ERICH6B: variants seen among roughly 807,000 people sequenced by gnomAD.
The protein encoded by ERICH6B is glutamate rich 6B.
Under a neutral mutation model 80.0 loss-of-function variants are expected in ERICH6B, and 69 were observed. The ratio of observed to expected loss-of-function variants is 0.86; its 90% CI spans 0.71 to 1.05. ERICH6B has a LOEUF of 1.05. Among genes scored for constraint, ERICH6B ranks in the 50% least tolerant of loss-of-function variants. ERICH6B has a pLI of 0.00. For missense variants in ERICH6B, 754 were observed against 796.1 expected (o/e 0.95, Z 0.64); for synonymous variants, 283 against 291.9 (o/e 0.97, Z 0.31).
At chr13:45,561,655 G>A in intron 10 of ERICH6B, 129 bp from the exon 11 acceptor site, 1 of 973,306 alleles carries the variant, frequency 1.0e-6, no homozygotes, top group South Asian at 1.7e-5. Flanking sequence ...TTTCCCCAGT[G>A]AGGAAGGCTG....
chr13:45,583,718 A>T (rs1488316591), intron 5 of ERICH6B, among the ~76,000 whole-genome samples: 1 of 152,168 alleles, frequency 6.6e-6, no homozygotes, highest in Non-Finnish European at 1.5e-5. Context: ...TGGTTTTATA[A>T]GGGGAAACTT....
chr13:45,590,306 C>T (rs1403704610), intron 4 of ERICH6B, among the ~76,000 whole-genome samples: 1 of 151,982 alleles, frequency 6.6e-6, no homozygotes, highest in East Asian at 1.9e-4. Context: ...CAGACTACAC[C>T]TTCCCTTGGG....
intron 13 of ERICH6B, among the ~76,000 whole-genome samples, chr13:45,545,410 A>T (rs1873955105): frequency 6.6e-6 from 1 of 152,104 alleles, no homozygotes; most frequent in Non-Finnish European, 1.5e-5. Context: ...CCTTCATATA[A>T]TTTACGAATA....
chr13:45,571,174 G>C lies in ERICH6B; in HGVS notation c.1051-2723C>G, dbSNP rs76010530. Among the ~76,000 whole-genome samples, 9 of 152,224 alleles carry C rather than the reference G, an allele frequency of 5.9e-5. 1 individual carries two copies. Among genetic ancestry groups the C allele is most frequent in the African/African-American group, 2.2e-4 (9 of 41,518 alleles). On this transcript the variant is annotated intron_variant, in intron 8 of 14. Coordinates refer to ENST00000298738, the MANE Select transcript of ERICH6B (RefSeq NM_182542.3). ...GCTTGGGGAACAGAGTGGCATAGATGTCAGGAGGAAAGGACTCCTCAGCCC... is the reference window on the plus strand; with the variant it reads ...GCTTGGGGAACAGAGTGGCATAGATCTCAGGAGGAAAGGACTCCTCAGCCC...
chr13:45,593,115 T>C (rs1876222669), intron 3 of ERICH6B, among the ~76,000 whole-genome samples: 1 of 152,216 alleles, frequency 6.6e-6, no homozygotes, highest in Non-Finnish European at 1.5e-5. Context: ...GCTGCATTTA[T>C]ATTCAAGTTG....
At position 45,568,931 on chromosome 13, in the gene ERICH6B, C is replaced by G. The variant is rs151249746; in HGVS notation, c.1051-480G>C. On this transcript the variant is annotated intron_variant, in intron 8 of 14. Coordinates refer to ENST00000298738, the MANE Select transcript of ERICH6B (RefSeq NM_182542.3). ...CTTCTTTTTTCAAATGTGGAGATGG[C>G]TATGGAATGTAAAAATGCTTCCATG... Among the ~76,000 whole-genome samples, 1,123 of 152,200 alleles carry G rather than the reference C, an allele frequency of 7.4e-3. 16 individuals carry two copies. The highest frequency in any genetic ancestry group is 0.025 in the African/African-American group (1,056 of 41,504).
chr13:45,572,988 G>C (rs758997461), intron 8 of ERICH6B, among the ~76,000 whole-genome samples: 1 of 152,014 alleles, frequency 6.6e-6, no homozygotes, highest in Non-Finnish European at 1.5e-5. Flanking sequence ...ATGCCCTCTC[G>C]GTGGGAATAG....
intron 11 of ERICH6B, among the ~76,000 whole-genome samples, chr13:45,559,939 G>T (rs987595487): frequency 1.3e-5 from 2 of 152,116 alleles, no homozygotes; most frequent in Non-Finnish European, 2.9e-5. Flanking sequence ...TAAATCCATT[G>T]TTTCTTTGTT....
intron 11 of ERICH6B, among the ~76,000 whole-genome samples, chr13:45,560,869 A>G (rs1408274692): frequency 1.3e-5 from 2 of 152,130 alleles, no homozygotes; most frequent in Non-Finnish European, 2.9e-5. Flanking sequence ...TGTGTGATTG[A>G]TTTTTGATAT....
intron 11 of ERICH6B, chr13:45,552,982 C>A (rs1361729005): frequency 2.2e-5 from 4 of 179,078 alleles, no homozygotes; most frequent in Non-Finnish European, 3.7e-5. Flanking sequence ...TTTCCGTAAG[C>A]AATGTTCTGA....
At chr13:45,561,265 TTG>T in intron 11 of ERICH6B, 102 bp downstream of exon 11, 3 of 1,162,416 alleles carry the variant, frequency 2.6e-6, no homozygotes, top group Non-Finnish European at 3.6e-6. Flanking sequence ...TGTGTTTACA[TTG>T]TGTGTTGTTC....
chr13:45,542,324 A>G (rs976430811), intron 14 of ERICH6B, among the ~76,000 whole-genome samples: 6 of 152,254 alleles, frequency 3.9e-5, no homozygotes, highest in Non-Finnish European at 8.8e-5. Context: ...ATAGAAGACT[A>G]TGGGCTCAGA....
At chr13:45,581,359 A>G (rs922267998) in intron 5 of ERICH6B, among the ~76,000 whole-genome samples, 2 of 152,200 alleles carry the variant, frequency 1.3e-5, no homozygotes, top group African/African-American at 4.8e-5. Context: ...AAAGACAGAC[A>G]CACACATACA....
chr13:45,544,773 C>G lies in ERICH6B; in HGVS notation c.1859G>C (p.Gly620Ala), dbSNP rs767496773. The G allele has an allele frequency of 6.4e-7, 1 of 1,551,444 alleles. No homozygotes were observed. The highest frequency in any genetic ancestry group is 8.7e-7 in the Non-Finnish European group (1 of 1,146,936). The part of the protein sequence containing the change: ...YEQKQICLNL[G>A]TRYKFVIPEV... ...TTGTGACCTTACCTTGTACCTGGTG[C>G]CCAGGTTTAAACAAATCTGCTTCTG... The change falls in exon 14 of 15, where the codon GGC becomes GCC. Residue 620 changes from glycine to alanine, a missense_variant. By Grantham distance (60) the Gly-to-Ala change is moderately conservative. Coordinates refer to ENST00000298738, the MANE Select transcript of ERICH6B (RefSeq NM_182542.3).
intron 11 of ERICH6B, among the ~76,000 whole-genome samples, chr13:45,560,589 C>A (rs1164457077): frequency 6.6e-6 from 1 of 152,194 alleles, no homozygotes; most frequent in Non-Finnish European, 1.5e-5. Context: ...AGTTTAACTG[C>A]CCTAAAACTC....
At chr13:45,598,838 T>G (rs185852555) in intron 2 of ERICH6B, among the ~76,000 whole-genome samples, 13 of 152,156 alleles carry the variant, frequency 8.5e-5, no homozygotes, top group Non-Finnish European at 1.8e-4. Context: ...CCCTTTCTGA[T>G]AGTGATGTCA....
At chr13:45,563,114 G>A (rs1566290306) in intron 10 of ERICH6B, among the ~76,000 whole-genome samples, 3 of 152,156 alleles carry the variant, frequency 2.0e-5, no homozygotes, top group Admixed American at 1.3e-4. Context: ...TAACTTCCAT[G>A]ATTTGCAAAT....
intron 9 of ERICH6B, among the ~76,000 whole-genome samples, chr13:45,566,787 A>G (rs2137982995): frequency 6.6e-6 from 1 of 152,358 alleles, no homozygotes; most frequent in Non-Finnish European, 1.5e-5. Context: ...GATCCCTCAC[A>G]CAGAGTCCCT....
chr13:45,601,687 C>T (rs1444371571), intron 2 of ERICH6B, among the ~76,000 whole-genome samples: 1 of 152,184 alleles, frequency 6.6e-6, no homozygotes, highest in Non-Finnish European at 1.5e-5. Context: ...AAAAAGGGTC[C>T]AGTCAGCTGC....
Sources: allele counts gnomAD v4.1 joint callset (sites outside exome capture counted in the v4.1 genomes callset), GRCh38; gene constraint gnomAD v4.1.1; transcripts MANE v1.5; gene names NCBI Gene and HGNC (gene_info 2026-07-23, HGNC 2026-07-21).